The following PLXNA2 variants were observed in gnomAD, a reference collection of about 807,000 sequenced individuals.
The protein encoded by PLXNA2 is plexin A2, also known as plexin-A2.
Under a neutral mutation model 193.5 loss-of-function variants are expected in PLXNA2, and 91 were observed. That is an observed-to-expected ratio of 0.47 (90% confidence interval 0.40 to 0.56). PLXNA2 has a LOEUF of 0.56. PLXNA2 is among the 20% of genes least tolerant of loss of function. PLXNA2 has a pLI of 0.00. For synonymous variants in PLXNA2, 997 were observed against 1,027.3 expected, an observed-to-expected ratio of 0.97 and a Z score of 0.56; for missense variants, 1,995 against 2,503.2, an observed-to-expected ratio of 0.80 and a Z score of 4.33.
intron 3 of PLXNA2, among the ~76,000 whole-genome samples, chr1:208,187,893 C>A (rs777554516): frequency 8.5e-5 from 13 of 152,202 alleles, no homozygotes; most frequent in African/African-American, 1.4e-4. Flanking sequence ...CACGTATCAT[C>A]TCACTAAATT....
Position 208,217,028 on chromosome 1 carries a change from C to T in PLXNA2, c.895G>A (p.Gly299Ser), listed in dbSNP as rs201815135. The change falls in exon 2 of 32, where the codon GGC becomes AGC. Residue 299 changes from glycine to serine, a missense_variant. Physicochemically the swap from Gly to Ser is moderately conservative, Grantham distance 56. Around this residue, in one of 3 missense-constraint regions of PLXNA2, gnomAD observed 702 missense variants for 812.9 expected, o/e 0.86. Transcript: ENST00000367033. This position sits in a 1 kb window ranked among gnomAD's most constrained non-coding sequence, Gnocchi z 4.7. ...TATTCCACCCCGGCCCGGGTGCAGC[C>T]GAAGGGCAGGGACACGTATGAGTGG... ...KFHSYVSLPFGCTRAGVEYRL... is the reference protein window; with the variant it reads ...KFHSYVSLPFSCTRAGVEYRL... 9 of 1,611,810 alleles carry T rather than the reference C, an allele frequency of 5.6e-6. No individual in the cohort carries two copies. Among genetic ancestry groups the T allele is most frequent in the East Asian group, 4.5e-5 (2 of 44,838 alleles).
chr1:208,087,586 G>T (rs1315899986), intron 9 of PLXNA2, among the ~76,000 whole-genome samples: 1 of 152,154 alleles, frequency 6.6e-6, no homozygotes, highest in Non-Finnish European at 1.5e-5. Context: ...TTGCTCTCAG[G>T]TCAGACAGAA....
chr1:208,234,095 A>G (rs1014951410), intron 1 of PLXNA2, among the ~76,000 whole-genome samples: 5 of 152,002 alleles, frequency 3.3e-5, no homozygotes, highest in African/African-American at 1.2e-4. Context: ...AAGAGACCGA[A>G]AAGAAAAGGT....
chr1:208,063,330 C>T (rs1299098836), intron 12 of PLXNA2, among the ~76,000 whole-genome samples: 1 of 152,166 alleles, frequency 6.6e-6, no homozygotes, highest in Non-Finnish European at 1.5e-5. Flanking sequence ...GTAGTGTTTC[C>T]CTTCCAACAT....
At chr1:208,108,502 G>A (rs1352997214) in intron 4 of PLXNA2, among the ~76,000 whole-genome samples, 1 of 152,180 alleles carries the variant, frequency 6.6e-6, no homozygotes, top group African/African-American at 2.4e-5. Context: ...TGGGGACAGA[G>A]AATCAACACT....
chr1:208,038,455 G>T lies in PLXNA2; in HGVS notation c.4680C>A (p.Ile1560=). ...DMDLEWRQGR[I]ARVVLQDEDI... is the part of the protein sequence containing the mutation. ...CCTCATCTTGCAGCACGACCCGGGC[G>T]ATCCGGCCTTGGCGCCACTCTGGGT... Residue 1560 remains isoleucine, a synonymous_variant, in exon 26 of 32, where the codon ATC becomes ATA. Transcript: ENST00000367033. This position sits in a 1 kb window ranked among gnomAD's most constrained non-coding sequence, Gnocchi z 4.1. 6.2e-7 allele frequency: 1 copy of T among 1,614,108 alleles called. No individual in the cohort carries two copies. Among genetic ancestry groups the T allele is most frequent in the Non-Finnish European group, 8.5e-7 (1 of 1,179,972 alleles).
At chr1:208,061,520 G>A (rs576916623) in intron 12 of PLXNA2, among the ~76,000 whole-genome samples, 1 of 152,308 alleles carries the variant, frequency 6.6e-6, no homozygotes, top group Non-Finnish European at 1.5e-5. Flanking sequence ...CTGCAGGGGA[G>A]AAGATCAAAG....
At chr1:208,141,388 G>A (rs1429255751) in intron 4 of PLXNA2, among the ~76,000 whole-genome samples, 2 of 152,184 alleles carry the variant, frequency 1.3e-5, no homozygotes, top group African/African-American at 4.8e-5. Flanking sequence ...AATGACATGA[G>A]CTGGGAAGCA....
At chr1:208,048,192 G>A (rs540966343) in intron 17 of PLXNA2, among the ~76,000 whole-genome samples, 9 of 152,094 alleles carry the variant, frequency 5.9e-5, no homozygotes, top group Admixed American at 2.6e-4. Context: ...GTGCTGCGTC[G>A]GCACTTTTGT....
chr1:208,062,110 T>C (rs1665639765), intron 12 of PLXNA2, among the ~76,000 whole-genome samples: 1 of 152,156 alleles, frequency 6.6e-6, no homozygotes, highest in Non-Finnish European at 1.5e-5. Context: ...GAGCGTCCTC[T>C]AGAATCTCCC....
chr1:208,146,798 A>G (rs1319530626), intron 3 of PLXNA2, among the ~76,000 whole-genome samples: 1 of 152,184 alleles, frequency 6.6e-6, no homozygotes, highest in Non-Finnish European at 1.5e-5. Flanking sequence ...AGCGGAGGAT[A>G]CTGGAGATGG....
At chr1:208,216,351 A>G (rs1422843502) in intron 2 of PLXNA2, among the ~76,000 whole-genome samples, 1 of 151,994 alleles carries the variant, frequency 6.6e-6, no homozygotes, top group Non-Finnish European at 1.5e-5. Flanking sequence ...ATTTTTCTCT[A>G]TAGCCATTAT....
chr1:208,068,569 G>A (rs1040072664), intron 12 of PLXNA2, among the ~76,000 whole-genome samples: 3 of 152,100 alleles, frequency 2.0e-5, no homozygotes, highest in East Asian at 1.9e-4. Context: ...GTGGACTCTC[G>A]GATTTCTATG....
chr1:208,084,702 G>A (rs1666454367), intron 9 of PLXNA2, 122 bp from the exon 10 acceptor site: 1 of 856,682 alleles, frequency 1.2e-6, no homozygotes, highest in African/African-American at 1.7e-5. Flanking sequence ...CCTCATGTAA[G>A]GCCCGTGGAA....
rs1285914965 is a variant in PLXNA2 at position 208,043,122 on chromosome 1, G to T, written c.3956C>A (p.Thr1319Asn). ...RSGIPYLDYR[T>N]YAMRVLFPGI... ...CGGGAACAGGACTCGCATAGCGTAGGTACGATAGTCCAGGTAAGGGATTCC... is the reference window on the plus strand; with the variant it reads ...CGGGAACAGGACTCGCATAGCGTAGTTACGATAGTCCAGGTAAGGGATTCC... The change falls in exon 21 of 32, where the codon ACC (threonine) becomes AAC (asparagine). Residue 1319 changes from threonine (T) to asparagine (N), a missense_variant. Thr to Asn is a moderately conservative substitution (Grantham distance 65). This residue lies in a region of PLXNA2 where 1,291 missense variants were observed against 1,673.6 expected (regional missense o/e 0.77). Transcript: ENST00000367033. 1 of 1,614,174 alleles carries T rather than the reference G, an allele frequency of 6.2e-7. No individual in the cohort carries two copies. Among genetic ancestry groups the T allele is most frequent in the East Asian group, 2.2e-5 (1 of 44,882 alleles).
chr1:208,192,025 A>G (rs12136491), intron 3 of PLXNA2, among the ~76,000 whole-genome samples: 40,166 of 152,076 alleles, frequency 0.26, 6,906 homozygotes, highest in Non-Finnish European at 0.38. Flanking sequence ...CACCCAGCTG[A>G]TGGGACTCCT....
At chr1:208,053,180 ATGCATTTAACTGAGC>A (rs1006935635) in intron 14 of PLXNA2, among the ~76,000 whole-genome samples, 4 of 152,258 alleles carry the variant, frequency 2.6e-5, no homozygotes, top group Admixed American at 2.0e-4. Flanking sequence ...GAATTGGAAA[ATGCATTTAACTGAGC>A]AACTATACAG....
At chr1:208,237,466 C>G (rs915102424) in intron 1 of PLXNA2, among the ~76,000 whole-genome samples, 2 of 152,298 alleles carry the variant, frequency 1.3e-5, no homozygotes, top group African/African-American at 4.8e-5. Flanking sequence ...GAATACAACA[C>G]GAAAATCCTT....
intron 8 of PLXNA2, among the ~76,000 whole-genome samples, 163 bp downstream of exon 8, chr1:208,095,866 T>G (rs187879319): frequency 6.6e-6 from 1 of 152,212 alleles, no homozygotes; most frequent in Non-Finnish European, 1.5e-5. Context: ...TATGGTAGTA[T>G]TTATGTACAG....
Sources: gnomAD v4.1 joint callset for allele counts (sites outside exome capture counted in the v4.1 genomes callset) on GRCh38, gnomAD v4.1.1 for gene constraint, gnomAD v4.1.1 regional missense constraint, Gnocchi (gnomAD v3.1) non-coding constraint, MANE v1.5 for transcripts, NCBI Gene and HGNC (gene_info 2026-07-23, HGNC 2026-07-21) for gene names.